Variants in NSUN3 observed in about 807,000 individuals in gnomAD.
NSUN3 encodes NOP2/Sun RNA methyltransferase 3.
Under a neutral mutation model 36.8 loss-of-function variants are expected in NSUN3, and 24 were observed. That is an observed-to-expected ratio of 0.65 (90% CI 0.47 to 0.92). NSUN3 has a LOEUF of 0.92. NSUN3 is among the 40% of genes least tolerant of loss of function. The probability of loss-of-function intolerance (pLI) is 0.00; values close to 1 mark genes in which losing one functional copy is unlikely to be tolerated. For synonymous variants in NSUN3, 146 were observed against 145.2 expected, an observed-to-expected ratio of 1.01 and a Z score of -0.04; for missense variants, 381 against 392.8, an observed-to-expected ratio of 0.97 and a Z score of 0.25.
intron 3 of NSUN3, among the ~76,000 whole-genome samples, chr3:94,090,624 A>C: frequency 6.6e-6 from 1 of 152,132 alleles, no homozygotes; most frequent in Non-Finnish European, 1.5e-5. Context: ...CAGACTGGGT[A>C]CCCTAACCAA....
intron 2 of NSUN3, 86 bp from the exon 3 acceptor site, chr3:94,084,021 G>A (rs1390157330): frequency 2.1e-6 from 2 of 956,216 alleles, no homozygotes; most frequent in Non-Finnish European, 3.1e-6. Context: ...GTAAAACTAG[G>A]ACCACATTCA....
intron 2 of NSUN3, among the ~76,000 whole-genome samples, chr3:94,073,750 G>A (rs2077235368): frequency 6.6e-6 from 1 of 152,116 alleles, no homozygotes. Flanking sequence ...TCTGTAGGTT[G>A]CCTGTTCACT....
intron 4 of NSUN3, 114 bp from the exon 5 acceptor site, chr3:94,094,919 G>A (rs2077331227): frequency 1.9e-6 from 2 of 1,074,796 alleles, no homozygotes; most frequent in South Asian, 1.6e-5. Flanking sequence ...AAAAAGAAAT[G>A]TTTTTACTTA....
At chr3:94,117,143 C>T (rs1342385808) in intron 5 of NSUN3, among the ~76,000 whole-genome samples, 1 of 151,620 alleles carries the variant, frequency 6.6e-6, no homozygotes, top group Non-Finnish European at 1.5e-5. Context: ...GGGTTATAGG[C>T]GCACGCCACC....
At chr3:94,077,584 G>T (rs2077251818) in intron 2 of NSUN3, among the ~76,000 whole-genome samples, 1 of 152,024 alleles carries the variant, frequency 6.6e-6, no homozygotes, top group African/African-American at 2.4e-5. Flanking sequence ...TTTTTTGGTT[G>T]GTAGGCTATT....
chr3:94,085,826 A>G (rs965908753), intron 3 of NSUN3, among the ~76,000 whole-genome samples: 2 of 152,152 alleles, frequency 1.3e-5, no homozygotes, highest in African/African-American at 4.8e-5. Context: ...CAGATCACAT[A>G]CAGATCTTTC....
chr3:94,121,655 T>C (rs968007502), intron 5 of NSUN3, among the ~76,000 whole-genome samples: 2 of 152,112 alleles, frequency 1.3e-5, no homozygotes, highest in Non-Finnish European at 2.9e-5. Context: ...TAGAAAAAGT[T>C]TTTTTAGAGA....
In NSUN3 at chr3:94,074,804, C is replaced by T. The variant is rs528496685; in HGVS notation, c.123-9303C>T. Among the ~76,000 whole-genome samples the T allele has an allele frequency of 3.9e-5, 6 of 152,296 alleles. No homozygotes were observed. The East Asian group carries it at 9.7e-4, about 25-fold the overall frequency. ...ATTTGAATACCCTTTATTTCCTTCT[C>T]GTGCCTGATTGCCCTGGCTAGAAAT... On this transcript the variant is annotated intron_variant, in intron 2 of 5. Transcript: ENST00000314622.
At chr3:94,103,035 T>C (rs1489580275) in intron 5 of NSUN3, among the ~76,000 whole-genome samples, 7 of 152,036 alleles carry the variant, frequency 4.6e-5, no homozygotes, top group Admixed American at 6.6e-5. Context: ...TACAGGTGTC[T>C]GCCACCATAC....
intron 2 of NSUN3, among the ~76,000 whole-genome samples, chr3:94,077,905 A>AT (rs1283413286): frequency 7.2e-5 from 11 of 151,910 alleles, no homozygotes; most frequent in Admixed American, 4.6e-4. Context: ...GGATTCATTG[A>AT]TTTTTTTGAA....
chr3:94,100,972 ATTT>A (rs536075398), intron 5 of NSUN3, among the ~76,000 whole-genome samples: 1 of 150,260 alleles, frequency 6.7e-6, no homozygotes, highest in Non-Finnish European at 1.5e-5. Context: ...TTTTATGTTA[ATTT>A]TTTTTTTATT....
At position 94,084,456 on chromosome 3, in the gene NSUN3, G is replaced by C. The variant is rs369732392; in HGVS notation, c.466+6G>C. ...GCTGCAGTGTGCTTGTCCAGGTAGT[G>C]TGCTTTCCTTTCAGTATTTGACAAC... On this transcript the variant is annotated splice_donor_region_variant and intron_variant, in intron 3 of 5. Transcript: ENST00000314622. 1 of 1,595,700 alleles carries C rather than the reference G, an allele frequency of 6.3e-7. No homozygotes were observed. The highest frequency in any genetic ancestry group is 8.5e-7 in the Non-Finnish European group (1 of 1,170,140).
At chr3:94,096,020 A>G (rs1419381565) in intron 5 of NSUN3, among the ~76,000 whole-genome samples, 1 of 151,788 alleles carries the variant, frequency 6.6e-6, no homozygotes, top group Non-Finnish European at 1.5e-5. Context: ...TGGCCTCACA[A>G]AGTGCTGGGA....
Position 94,113,721 on chromosome 3 carries a change from G to A in NSUN3, c.744-12490G>A, listed in dbSNP as rs569186030. Among the ~76,000 whole-genome samples, 225 of 152,262 alleles carry A rather than the reference G, an allele frequency of 1.5e-3. 1 individual carries two copies. The highest frequency in any genetic ancestry group is 2.5e-3 in the Non-Finnish European group (168 of 68,010). ...TCTACTTATTTTCTTGCTGAGTCAA[G>A]CTTCTGAGGAAAACAGTATTTTTAT... On this transcript the variant is annotated intron_variant, in intron 5 of 5. Transcript: ENST00000314622.
In NSUN3 at chr3:94,095,872, G is replaced by A. The variant is rs371086521; in HGVS notation, c.743+718G>A. Among the ~76,000 whole-genome samples, 4 of 150,806 alleles carry A rather than the reference G, an allele frequency of 2.7e-5. No homozygotes were observed. The East Asian group carries it at 7.8e-4, about 29-fold the overall frequency. ...AGCTATTCTCCTGCCTCAGCCTCCT[G>A]AGTAGTTAGGATTACAGGTGTGCGC... On this transcript the variant is annotated intron_variant, in intron 5 of 5. Coordinates refer to ENST00000314622, the MANE Select transcript of NSUN3 (RefSeq NM_022072.5).
chr3:94,101,218 C>G (rs898950746), intron 5 of NSUN3, among the ~76,000 whole-genome samples: 7 of 152,186 alleles, frequency 4.6e-5, no homozygotes, highest in South Asian at 2.1e-4. Context: ...GTCTCGAACT[C>G]CTGGCTCCAA....
Position 94,078,314 on chromosome 3 carries a change from A to G in NSUN3, c.123-5793A>G, listed in dbSNP as rs568942730. On this transcript the variant is annotated intron_variant, in intron 2 of 5. Transcript: ENST00000314622. ...ACTGTGTTCTGAGAGACTGTTTGTTATGATTTCCATTCTTTTACATTTGCT... is the reference window on the plus strand; with the variant it reads ...ACTGTGTTCTGAGAGACTGTTTGTTGTGATTTCCATTCTTTTACATTTGCT... 3.9e-5 allele frequency among the ~76,000 whole-genome samples: 6 copies of G among 152,292 alleles called. No individual in the cohort carries two copies. The South Asian group carries it at 1.0e-3, about 26-fold the overall frequency.
chr3:94,086,263 T>A (rs2077292499), intron 3 of NSUN3, among the ~76,000 whole-genome samples: 1 of 152,160 alleles, frequency 6.6e-6, no homozygotes, highest in African/African-American at 2.4e-5. Flanking sequence ...AAAACACTGA[T>A]GTGTTGAACT....
chr3:94,124,609 A>T (rs2077477675), intron 5 of NSUN3, among the ~76,000 whole-genome samples: 1 of 151,988 alleles, frequency 6.6e-6, no homozygotes, highest in Admixed American at 6.6e-5. Flanking sequence ...GATCCCAGTC[A>T]TATTCCATTA....
Sources: allele counts gnomAD v4.1 joint callset (sites outside exome capture counted in the v4.1 genomes callset), GRCh38; gene constraint gnomAD v4.1.1; transcripts MANE v1.5; gene names NCBI Gene and HGNC (gene_info 2026-07-23, HGNC 2026-07-21).